Variants in ZBTB7C observed in about 807,000 individuals in gnomAD.
The protein encoded by ZBTB7C is zinc finger and BTB domain-containing protein 7C.
A neutral mutation model predicts 25.7 loss-of-function variants in ZBTB7C; 8 were observed. That is an observed-to-expected ratio of 0.31 (90% CI 0.18 to 0.56). The LOEUF is 0.56. ZBTB7C is among the 20% of genes least tolerant of loss of function. The probability of loss-of-function intolerance (pLI) is 0.91; values close to 1 mark genes in which losing one functional copy is unlikely to be tolerated. For synonymous variants in ZBTB7C, 394 were observed against 369.0 expected, an observed-to-expected ratio of 1.07 and a Z score of -0.78; for missense variants, 824 against 855.2, an observed-to-expected ratio of 0.96 and a Z score of 0.46.
At chr18:48,045,704 T>G (rs2036441565) in intron 3 of ZBTB7C, among the ~76,000 whole-genome samples, 1 of 152,196 alleles carries the variant, frequency 6.6e-6, no homozygotes, top group Admixed American at 6.5e-5. Flanking sequence ...GCTCCATCTC[T>G]CCAGCCTTCG....
chr18:48,211,312 C>T (rs945512763), intron 2 of ZBTB7C, among the ~76,000 whole-genome samples: 2 of 151,974 alleles, frequency 1.3e-5, no homozygotes, highest in Non-Finnish European at 2.9e-5. Context: ...ACCAAAGGCA[C>T]AACCCATAAA....
Position 48,264,131 on chromosome 18 carries a change from T to C in ZBTB7C, c.-79+74043A>G, listed in dbSNP as rs1023284347. 7.2e-5 allele frequency among the ~76,000 whole-genome samples: 11 copies of C among 152,190 alleles called. No individual in the cohort carries two copies. The East Asian group carries it at 2.1e-3, about 29-fold the overall frequency. On this transcript the variant is annotated intron_variant, in intron 2 of 4. Transcript: ENST00000590800. ...TGCTGAGTCAGCAGTACCTAAGGCC[T>C]GTGACTGTTAATACCTCCAGTGCGT... is the stretch of plus-strand genomic sequence containing the variant.
At position 48,371,489 on chromosome 18, in the gene ZBTB7C, C is replaced by T. The variant is rs184559395; in HGVS notation, c.-303-33091G>A. ...CAGACAATTAGCAGCAAAATTTAAA[C>T]GAGAGCTCAAGTCTCCTCCTCCTGG... On this transcript the variant is annotated intron_variant, in intron 1 of 4. Coordinates refer to ENST00000590800, the MANE Select transcript of ZBTB7C (RefSeq NM_001318841.2). 2.3e-3 allele frequency among the ~76,000 whole-genome samples: 355 copies of T among 152,324 alleles called. 1 individual carries two copies. The highest frequency in any genetic ancestry group is 3.8e-3 in the Non-Finnish European group (257 of 68,024).
intron 3 of ZBTB7C, among the ~76,000 whole-genome samples, chr18:48,083,017 T>A (rs2038049500): frequency 6.6e-6 from 1 of 152,136 alleles, no homozygotes; most frequent in Non-Finnish European, 1.5e-5. Context: ...TTGGGAGACA[T>A]GATCAGTGTT....
intron 1 of ZBTB7C, among the ~76,000 whole-genome samples, chr18:48,358,840 C>T (rs544899613): frequency 1.3e-5 from 2 of 152,294 alleles, no homozygotes; most frequent in African/African-American, 4.8e-5. Context: ...TGAACTTTAT[C>T]TCAATAAATG....
chr18:48,315,940 C>T (rs929380958), intron 2 of ZBTB7C, among the ~76,000 whole-genome samples: 1 of 152,162 alleles, frequency 6.6e-6, no homozygotes, highest in Non-Finnish European at 1.5e-5. Context: ...AGCGCCCAGC[C>T]CCCGTAAGAA....
chr18:48,319,978 T>A (rs1231061663), intron 2 of ZBTB7C, among the ~76,000 whole-genome samples: 1 of 151,548 alleles, frequency 6.6e-6, no homozygotes, highest in Non-Finnish European at 1.5e-5. Flanking sequence ...TAGAAAAAAA[T>A]TCCCAGCCTC....
intron 3 of ZBTB7C, among the ~76,000 whole-genome samples, chr18:48,121,584 T>C (rs2039632832): frequency 6.6e-6 from 1 of 152,144 alleles, no homozygotes; most frequent in Non-Finnish European, 1.5e-5. Context: ...AGTGGCTCTA[T>C]GAGGGTGTCT....
chr18:48,187,634 A>C (rs1288077448), intron 2 of ZBTB7C, among the ~76,000 whole-genome samples: 1 of 152,098 alleles, frequency 6.6e-6, no homozygotes, highest in Non-Finnish European at 1.5e-5. Context: ...TAACACGGTG[A>C]AACCCCGTCT....
chr18:48,247,338 A>T (rs553459495), intron 2 of ZBTB7C, among the ~76,000 whole-genome samples: 2 of 152,364 alleles, frequency 1.3e-5, no homozygotes, highest in East Asian at 3.9e-4. Flanking sequence ...AAAGATAAAG[A>T]CACCCCAATG....
At chr18:48,170,362 T>C (rs2041428736) in intron 3 of ZBTB7C, among the ~76,000 whole-genome samples, 1 of 152,152 alleles carries the variant, frequency 6.6e-6, no homozygotes, top group Admixed American at 6.5e-5. Flanking sequence ...CCATCAAAGC[T>C]CTTGGGGGGC....
At chr18:48,178,397 T>C (rs543969475) in intron 3 of ZBTB7C, among the ~76,000 whole-genome samples, 33 of 152,382 alleles carry the variant, frequency 2.2e-4, no homozygotes, top group African/African-American at 7.5e-4. Context: ...GGGCCTCTTC[T>C]GCCTGCTGCT....
In ZBTB7C at chr18:48,409,208, G is replaced by A. The variant is rs927699674; in HGVS notation, c.-304+18C>T. On this transcript the variant is annotated intron_variant, in intron 1 of 4. Coordinates refer to ENST00000590800, the MANE Select transcript of ZBTB7C (RefSeq NM_001318841.2). Reference sequence around the variant, plus strand: ...CCCCGGCAGCCGGCGCCCGAGCCCGGCGCGCGAAGCCGCTCACCTCCGCGC... The same window carrying A: ...CCCCGGCAGCCGGCGCCCGAGCCCGACGCGCGAAGCCGCTCACCTCCGCGC... 2 of 149,844 alleles carry A rather than the reference G, an allele frequency of 1.3e-5. No homozygotes were observed. Among genetic ancestry groups the A allele is most frequent in the East Asian group, 2.0e-4 (1 of 5,058 alleles). 9.3% of individuals were successfully genotyped at this position (149,844 alleles called of 1,614,324 possible). A position where few individuals can be genotyped will look rare whatever the true frequency, so the allele number is the denominator to read the frequency against.
chr18:48,405,906 A>C (rs2048270361), intron 1 of ZBTB7C, among the ~76,000 whole-genome samples: 1 of 151,152 alleles, frequency 6.6e-6, no homozygotes. Context: ...TGCTGCACAC[A>C]GGCCGGGGTT....
At chr18:48,373,689 C>T (rs1598985446) in intron 1 of ZBTB7C, among the ~76,000 whole-genome samples, 1 of 152,200 alleles carries the variant, frequency 6.6e-6, no homozygotes, top group South Asian at 2.1e-4. Flanking sequence ...GGGCCGGGCA[C>T]TATGGCTCAC....
intron 2 of ZBTB7C, among the ~76,000 whole-genome samples, chr18:48,325,842 G>A (rs1367782091): frequency 1.3e-5 from 2 of 152,126 alleles, no homozygotes; most frequent in Non-Finnish European, 2.9e-5. Context: ...ACAGATCAGG[G>A]ACTGGAATCC....
At chr18:48,360,554 A>G (rs2047081185) in intron 1 of ZBTB7C, among the ~76,000 whole-genome samples, 1 of 152,188 alleles carries the variant, frequency 6.6e-6, no homozygotes, top group Non-Finnish European at 1.5e-5. Context: ...ATTGGACTTG[A>G]CCCAGGAGGA....
chr18:48,321,713 T>A (rs2046096953), intron 2 of ZBTB7C, among the ~76,000 whole-genome samples: 1 of 152,128 alleles, frequency 6.6e-6, no homozygotes, highest in Admixed American at 6.5e-5. Flanking sequence ...TTCCCCTGCG[T>A]CCTCACACCT....
intron 2 of ZBTB7C, among the ~76,000 whole-genome samples, chr18:48,228,727 T>C (rs1019094899): frequency 1.0e-5 from 1 of 96,296 alleles, no homozygotes; most frequent in African/African-American, 3.7e-5. Flanking sequence ...AGTCTCTCTC[T>C]CTCTGTCTCT....
Sources: gnomAD v4.1 joint callset for allele counts (sites outside exome capture counted in the v4.1 genomes callset) on GRCh38, gnomAD v4.1.1 for gene constraint, MANE v1.5 for transcripts, NCBI Gene and HGNC (gene_info 2026-07-23, HGNC 2026-07-21) for gene names.